Variants in FMN2 observed in about 807,000 individuals in gnomAD.
FMN2 encodes formin-2.
FMN2 carries 51 observed loss-of-function variants against 142.3 expected under a neutral mutation model. The observed-to-expected ratio is 0.36, with a 90% CI of 0.29 to 0.45. The LOEUF is 0.45. Ranked by LOEUF, FMN2 falls within the 20% of genes least tolerant of loss-of-function variation. The pLI, the probability that FMN2 is intolerant of heterozygous loss-of-function variation, is 1.00. For missense variants in FMN2, 1,936 were observed against 2,122.8 expected, an observed-to-expected ratio of 0.91 and a Z score of 1.73; for synonymous variants, 882 against 869.8, an observed-to-expected ratio of 1.01 and a Z score of -0.25.
chr1:240,455,852 G>A (rs1676221847), intron 16 of FMN2, among the ~76,000 whole-genome samples: 1 of 152,074 alleles, frequency 6.6e-6, no homozygotes, highest in East Asian at 1.9e-4. Context: ...ACAGGCACCT[G>A]TAGTCCCAGC....
intron 1 of FMN2, among the ~76,000 whole-genome samples, chr1:240,105,092 T>A (rs1027904906): frequency 6.7e-6 from 1 of 149,846 alleles, no homozygotes; most frequent in Non-Finnish European, 1.5e-5. Flanking sequence ...CTTTCCTAGT[T>A]TATGCTTCTT....
chr1:240,325,964 C>T (rs991893312), intron 8 of FMN2, among the ~76,000 whole-genome samples: 1 of 152,124 alleles, frequency 6.6e-6, no homozygotes, highest in Non-Finnish European at 1.5e-5. Context: ...AAACATCAAA[C>T]AATGTTACAT....
chr1:240,438,003 A>G, intron 15 of FMN2, 58 bp from the exon 16 acceptor site: 1 of 1,565,474 alleles, frequency 6.4e-7, no homozygotes, highest in Non-Finnish European at 8.6e-7. Flanking sequence ...GAGAAAGAAT[A>G]TCCCATATTG....
At chr1:240,433,322 G>C (rs1201152155) in intron 15 of FMN2, among the ~76,000 whole-genome samples, 1 of 152,048 alleles carries the variant, frequency 6.6e-6, no homozygotes, top group Non-Finnish European at 1.5e-5. Context: ...TTTTCATCTT[G>C]CTTATTTTTA....
intron 2 of FMN2, among the ~76,000 whole-genome samples, chr1:240,136,103 G>A (rs1025534813): frequency 6.6e-6 from 1 of 151,914 alleles, no homozygotes; most frequent in Non-Finnish European, 1.5e-5. Flanking sequence ...TTAAGCATAT[G>A]TATTTTTAAG....
chr1:240,300,255 TAG>T (rs774385220), intron 8 of FMN2, among the ~76,000 whole-genome samples: 41 of 152,190 alleles, frequency 2.7e-4, no homozygotes, highest in Non-Finnish European at 3.8e-4. Context: ...GTAACTATAA[TAG>T]AAGTTTCATA....
chr1:240,309,093 A>G (rs968898599), intron 8 of FMN2, among the ~76,000 whole-genome samples: 4 of 152,190 alleles, frequency 2.6e-5, no homozygotes, highest in Admixed American at 1.3e-4. Context: ...GACTAATATA[A>G]GCAGAAGAGT....
At chr1:240,126,783 G>C (rs77598866) in intron 2 of FMN2, among the ~76,000 whole-genome samples, 2,174 of 152,286 alleles carry the variant, frequency 0.014, 60 homozygotes, top group African/African-American at 0.049. Flanking sequence ...AAGAGAATGT[G>C]TTCTGTTGAA....
At chr1:240,200,637 G>T (rs1666088068) in intron 4 of FMN2, among the ~76,000 whole-genome samples, 1 of 152,100 alleles carries the variant, frequency 6.6e-6, no homozygotes, top group African/African-American at 2.4e-5. Flanking sequence ...TGCTTGTGTG[G>T]AATAGAAAAG....
chr1:240,336,632 A>T (rs1267981848), intron 13 of FMN2, among the ~76,000 whole-genome samples: 1 of 150,270 alleles, frequency 6.7e-6, no homozygotes, highest in Admixed American at 6.6e-5. Context: ...TTTTCACAGA[A>T]TCTCTGGTGT....
rs766395422 is a variant in FMN2 at position 240,239,121 on chromosome 1, A to G, written c.4066-18824A>G. On this transcript the variant is annotated intron_variant, in intron 6 of 17. Coordinates refer to ENST00000319653, the MANE Select transcript of FMN2 (RefSeq NM_020066.5). ...GTTCACTTTACTATAGAATAACAAT[A>G]TTTTAAAAACTAAAATTTCTTAATA... 1.8e-4 allele frequency among the ~76,000 whole-genome samples: 28 copies of G among 152,334 alleles called. 1 individual carries two copies. Among genetic ancestry groups the G allele is most frequent in the Admixed American group, 8.5e-4 (13 of 15,304 alleles).
chr1:240,214,551 A>T (rs1572074833), intron 6 of FMN2, among the ~76,000 whole-genome samples: 1 of 21,424 alleles, frequency 4.7e-5, no homozygotes, highest in South Asian at 1.7e-3. Flanking sequence ...ACTCCATCTC[A>T]AAAAAAAAAA....
chr1:240,423,561 C>T (rs1381076327), intron 15 of FMN2, among the ~76,000 whole-genome samples: 2 of 152,206 alleles, frequency 1.3e-5, no homozygotes, highest in African/African-American at 4.8e-5. Flanking sequence ...AATTCTCATT[C>T]TGCCTGTAAA....
chr1:240,329,255 G>T, intron 9 of FMN2, 84 bp from the exon 10 acceptor site: 1 of 1,595,648 alleles, frequency 6.3e-7, no homozygotes, highest in Non-Finnish European at 8.6e-7. Context: ...TGTCTTCAGT[G>T]CATACTTGTT....
intron 4 of FMN2, among the ~76,000 whole-genome samples, chr1:240,191,168 C>T (rs772209646): frequency 6.6e-6 from 1 of 152,250 alleles, no homozygotes; most frequent in African/African-American, 2.4e-5. Context: ...CTAAGTTATT[C>T]TTCAGATGTG....
chr1:240,254,761 G>A (rs61829187), intron 6 of FMN2, among the ~76,000 whole-genome samples: 41,160 of 152,014 alleles, frequency 0.27, 5,703 homozygotes, highest in Middle Eastern at 0.37. Flanking sequence ...GTTGCTAGGG[G>A]CAGCAGGGTC....
intron 2 of FMN2, among the ~76,000 whole-genome samples, chr1:240,169,328 C>T (rs974741582): frequency 1.3e-5 from 2 of 152,170 alleles, no homozygotes. Flanking sequence ...AGTCTTGTCT[C>T]AGATATCACA....
intron 6 of FMN2, among the ~76,000 whole-genome samples, chr1:240,213,582 TC>T (rs1321622955): frequency 6.6e-6 from 1 of 152,214 alleles, no homozygotes; most frequent in Non-Finnish European, 1.5e-5. Flanking sequence ...TGCAAATTGT[TC>T]CCCTTTTTAT....
intron 13 of FMN2, among the ~76,000 whole-genome samples, chr1:240,335,703 C>T (rs778608556): frequency 1.9e-4 from 29 of 152,242 alleles, no homozygotes; most frequent in African/African-American, 5.3e-4. Flanking sequence ...TGCATCACTT[C>T]GGAATGTGAT....
Sources: allele counts gnomAD v4.1 joint callset (sites outside exome capture counted in the v4.1 genomes callset), GRCh38; gene constraint gnomAD v4.1.1; transcripts MANE v1.5; gene names NCBI Gene and HGNC (gene_info 2026-07-23, HGNC 2026-07-21).